COL11A1: variants seen among roughly 807,000 people sequenced by gnomAD.
COL11A1 encodes the protein collagen type XI alpha 1 chain, also known as collagen alpha-1(XI) chain.
In COL11A1, 74 loss-of-function variants were observed where a neutral mutation model predicts 265.2. The ratio of observed to expected loss-of-function variants is 0.28; its 90% CI spans 0.23 to 0.34. The LOEUF (loss-of-function observed/expected upper bound fraction) is 0.34, where lower values mean the gene tolerates loss of function less well. Among genes scored for constraint, COL11A1 ranks in the 10% least tolerant of loss-of-function variants. COL11A1 has a pLI of 1.00. For missense variants in COL11A1, 2,165 were observed against 2,263.6 expected (o/e 0.96, Z 0.88); for synonymous variants, 816 against 727.6 (o/e 1.12, Z -1.96).
At chr1:103,057,173 T>G (rs576957823) in intron 4 of COL11A1, among the ~76,000 whole-genome samples, 1 of 152,328 alleles carries the variant, frequency 6.6e-6, no homozygotes, top group African/African-American at 2.4e-5. Flanking sequence ...CTTTATCAAC[T>G]AACTTTATAT....
intron 7 of COL11A1, among the ~76,000 whole-genome samples, chr1:103,023,283 T>C (rs1667248146): frequency 6.6e-6 from 1 of 152,200 alleles, no homozygotes; most frequent in South Asian, 2.1e-4. Context: ...AAAAACATGT[T>C]AGTCAATTTC....
intron 31 of COL11A1, among the ~76,000 whole-genome samples, chr1:102,980,649 A>ACT (rs35954559): frequency 0.98 from 149,077 of 152,158 alleles, 73,105 homozygotes; most frequent in East Asian, 1. Context: ...ACTTGAATAC[A>ACT]CCTTTCTTTT....
In COL11A1 at chr1:102,889,436, A is replaced by T; in HGVS notation, c.4464+19T>A. On this transcript the variant is annotated intron_variant, in intron 59 of 66. Transcript: ENST00000370096. ...ATTATTGGAAATGAGTAGAAAAAAT[A>T]ACCTATATTTTTACTCACCCCATCC... 1 of 1,494,294 alleles carries T rather than the reference A, an allele frequency of 6.7e-7. No homozygotes were observed. Among genetic ancestry groups the T allele is most frequent in the South Asian group, 1.1e-5 (1 of 88,896 alleles). The allele number at this position is 1,494,294 out of a possible 1,614,324, so 92.6% of individuals were successfully genotyped here. A position where few individuals can be genotyped will look rare whatever the true frequency, so the allele number is the denominator to read the frequency against.
At chr1:102,932,644 G>A (rs971757240) in intron 46 of COL11A1, among the ~76,000 whole-genome samples, 2 of 152,084 alleles carry the variant, frequency 1.3e-5, no homozygotes, top group Admixed American at 1.3e-4. Flanking sequence ...GGCCTGCCTT[G>A]CTAGATTGGG....
chr1:103,002,651 T>C (rs1379511979), intron 22 of COL11A1, 96 bp downstream of exon 22: 3 of 1,224,104 alleles, frequency 2.5e-6, no homozygotes, highest in East Asian at 2.4e-5. Flanking sequence ...CTTAGCAAAA[T>C]GTAATAAATC....
At chr1:102,964,587 G>GGTGT (rs10627254) in intron 38 of COL11A1, among the ~76,000 whole-genome samples, 90,175 of 149,382 alleles carry the variant, frequency 0.6, 28,902 homozygotes, top group South Asian at 0.8. Flanking sequence ...TTTCTCTAGG[G>GGTGT]GTGTGTGTGT....
At chr1:103,072,545 G>A (rs987230025) in intron 4 of COL11A1, among the ~76,000 whole-genome samples, 5 of 151,556 alleles carry the variant, frequency 3.3e-5, no homozygotes, top group Admixed American at 2.6e-4. Context: ...AGATTCATAA[G>A]TATATAGGTA....
Position 103,092,503 on chromosome 1 carries a change from C to T in COL11A1, c.107-9531G>A, listed in dbSNP as rs533799347. On this transcript the variant is annotated intron_variant, in intron 1 of 66. Transcript: ENST00000370096. ...ATACATGGCACCATTACACATGGCACCATTCATAGTGGAGAGAAATGTAAA... is the reference window on the plus strand; with the variant it reads ...ATACATGGCACCATTACACATGGCATCATTCATAGTGGAGAGAAATGTAAA... Among the ~76,000 whole-genome samples the T allele has an allele frequency of 8.5e-5, 13 of 152,164 alleles. No homozygotes were observed. The South Asian group carries it at 1.7e-3, about 19-fold the overall frequency.
intron 1 of COL11A1, among the ~76,000 whole-genome samples, chr1:103,104,779 TAA>T (rs1674563019): frequency 1.3e-5 from 2 of 152,226 alleles, no homozygotes; most frequent in African/African-American, 4.8e-5. Flanking sequence ...GACATAATAT[TAA>T]TGAGTTTAGC....
chr1:103,014,578 T>C lies in COL11A1; in HGVS notation c.1505A>G (p.Asp502Gly). 1.2e-6 allele frequency: 2 copies of C among 1,613,632 alleles called. No individual in the cohort carries two copies. The highest frequency in any genetic ancestry group is 1.7e-6 in the Non-Finnish European group (2 of 1,179,684). The change falls in exon 13 of 67, where the codon GAT becomes GGT. Residue 502 changes from aspartate (D) to glycine (G), a missense_variant. By Grantham distance (94) the Asp-to-Gly change is moderately conservative. Coordinates refer to ENST00000370096, the MANE Select transcript of COL11A1 (RefSeq NM_001854.4). The stretch of plus-strand genomic sequence containing the variant: ...AGAGATGGTTGGTCCTTTGGAACCA[T>C]CACCACCATAACGGAACTTGGAAGA... ...MLMLPFRYGG[D>G]GSKGPTISAQ...
chr1:102,947,913 T>C (rs1659485019), intron 41 of COL11A1, among the ~76,000 whole-genome samples: 1 of 151,880 alleles, frequency 6.6e-6, no homozygotes, highest in Non-Finnish European at 1.5e-5. Flanking sequence ...CTTTTTATTT[T>C]ATGTTTAAAC....
intron 42 of COL11A1, among the ~76,000 whole-genome samples, chr1:102,944,835 T>C (rs755941661): frequency 6.6e-6 from 1 of 152,188 alleles, no homozygotes; most frequent in South Asian, 2.1e-4. Context: ...CATTATTTAG[T>C]GTATTGTGCA....
Position 103,005,819 on chromosome 1 carries a change from A to G in COL11A1, c.1845+19T>C, listed in dbSNP as rs959749432. 4 of 1,612,796 alleles carry G rather than the reference A, an allele frequency of 2.5e-6. No homozygotes were observed. In the East Asian group the frequency reaches 8.9e-5, roughly 36 times the overall value. ...ATTTTATAACATTCCCTGGAAAAAA[A>G]GGAATAGATGTATCTTACCCTGTGA... On this transcript the variant is annotated intron_variant, in intron 18 of 66. Coordinates refer to ENST00000370096, the MANE Select transcript of COL11A1 (RefSeq NM_001854.4).
At chr1:102,913,737 T>A (rs769824299) in intron 52 of COL11A1, 47 bp from the exon 53 acceptor site, 3 of 1,515,394 alleles carry the variant, frequency 2.0e-6, no homozygotes, top group Non-Finnish European at 2.8e-6. Flanking sequence ...TCAGTATCAA[T>A]AAATCACACT....
rs2102402751 is a variant in COL11A1 at position 103,097,919 on chromosome 1, G to C, written c.106+10154C>G. 2.0e-5 allele frequency among the ~76,000 whole-genome samples: 3 copies of C among 151,958 alleles called. No individual in the cohort carries two copies. The Middle Eastern group carries it at 0.01, about 517-fold the overall frequency. On this transcript the variant is annotated intron_variant, in intron 1 of 66. Coordinates refer to ENST00000370096, the MANE Select transcript of COL11A1 (RefSeq NM_001854.4). ...ACAGTTATTGAACAGACTCAATCCT[G>C]AACTTTTTTATATCATAAAAGCTTG...
At chr1:102,898,824 A>G (rs1428607299) in intron 55 of COL11A1, 51 bp from the exon 56 acceptor site, 1 of 1,538,192 alleles carries the variant, frequency 6.5e-7, no homozygotes, top group Admixed American at 1.7e-5. Context: ...AAATACTTTT[A>G]TTATTTTATT....
At position 102,934,969 on chromosome 1, in the gene COL11A1, C is replaced by A. The variant is rs1657992269; in HGVS notation, c.3492+91G>T. 9.2e-6 allele frequency: 11 copies of A among 1,194,114 alleles called. 1 individual carries two copies. The South Asian group carries it at 1.3e-4, about 14-fold the overall frequency. The allele number at this position is 1,194,114 out of a possible 1,614,324, so 74.0% of individuals were successfully genotyped here. Reference sequence around the variant, plus strand: ...TCAAACATACAAACAAAACTTATTACCCCACAAAATTGACTGGTTATGGGA... The same window carrying A: ...TCAAACATACAAACAAAACTTATTAACCCACAAAATTGACTGGTTATGGGA... On this transcript the variant is annotated intron_variant, in intron 45 of 66. Coordinates refer to ENST00000370096, the MANE Select transcript of COL11A1 (RefSeq NM_001854.4).
intron 15 of COL11A1, among the ~76,000 whole-genome samples, chr1:103,007,010 A>G (rs1665688847): frequency 6.6e-6 from 1 of 150,700 alleles, no homozygotes; most frequent in South Asian, 2.1e-4. Context: ...CATTTGTTGG[A>G]TGTTCTTTAC....
At chr1:102,902,185 C>T (rs534765752) in intron 54 of COL11A1, among the ~76,000 whole-genome samples, 1 of 152,206 alleles carries the variant, frequency 6.6e-6, no homozygotes, top group East Asian at 1.9e-4. Context: ...TCTCTATGGA[C>T]CTGTTAAGAG....
Sources: gnomAD v4.1 joint callset for allele counts (sites outside exome capture counted in the v4.1 genomes callset) on GRCh38, gnomAD v4.1.1 for gene constraint, MANE v1.5 for transcripts, NCBI Gene and HGNC (gene_info 2026-07-23, HGNC 2026-07-21) for gene names.